The following SV2C variants were observed in gnomAD, a reference collection of about 807,000 sequenced individuals.
The protein encoded by SV2C is solute carrier family 22 member B3.
Under a neutral mutation model 79.7 loss-of-function variants are expected in SV2C, and 49 were observed. That is an observed-to-expected ratio of 0.61 (90% CI 0.49 to 0.78). The LOEUF is 0.78. Ranked by LOEUF, SV2C falls within the 30% of genes least tolerant of loss-of-function variation. SV2C has a pLI of 0.00. For synonymous variants in SV2C, 334 were observed against 333.2 expected (o/e 1.00, Z -0.03); for missense variants, 833 against 912.9 (o/e 0.91, Z 1.13).
the SV2C span, among the ~76,000 whole-genome samples, chr5:76,013,264 T>C: frequency 6.6e-6 from 1 of 152,238 alleles, no homozygotes; most frequent in Non-Finnish European, 1.5e-5. Flanking sequence ...CATTTGTTTG[T>C]GTCCTCTCTT....
At chr5:75,888,984 C>T in the SV2C span, among the ~76,000 whole-genome samples, 2 of 152,088 alleles carry the variant, frequency 1.3e-5, no homozygotes, top group African/African-American at 2.4e-5. Flanking sequence ...CTCTCCTTGG[C>T]TGTCTTCTCT....
At chr5:76,078,405 G>A (rs534118267), upstream of SV2C, among the ~76,000 whole-genome samples, 1 of 152,334 alleles carries the variant, frequency 6.6e-6, no homozygotes, top group South Asian at 2.1e-4. Context: ...GAGCTGGATA[G>A]TGAGAAAGGG....
intron 3 of SV2C, among the ~76,000 whole-genome samples, chr5:76,200,117 A>G (rs569598124): frequency 6.6e-6 from 1 of 152,330 alleles, no homozygotes; most frequent in African/African-American, 2.4e-5. Flanking sequence ...GCAGGGGCTT[A>G]TGGAAGGCAG....
chr5:76,137,886 A>T (rs1392008724), intron 2 of SV2C, among the ~76,000 whole-genome samples: 1 of 152,164 alleles, frequency 6.6e-6, no homozygotes, highest in Non-Finnish European at 1.5e-5. Flanking sequence ...CCTCTTCTTC[A>T]TCAGAGCAGA....
At chr5:76,226,883 T>C (rs949561838) in intron 4 of SV2C, among the ~76,000 whole-genome samples, 3 of 152,122 alleles carry the variant, frequency 2.0e-5, no homozygotes, top group South Asian at 2.1e-4. Context: ...GGGATGCCCA[T>C]GATCACTGGC....
chr5:75,984,567 A>ATATCTATCTATCTATCTATC, the SV2C span, among the ~76,000 whole-genome samples: 89 of 102,914 alleles, frequency 8.6e-4, no homozygotes, highest in African/African-American at 2.3e-3. Flanking sequence ...CTATCTATCT[A>ATATCTATCTATCTATCTATC]TATCTATCTA....
chr5:76,147,945 T>C (rs1749490296), intron 2 of SV2C, among the ~76,000 whole-genome samples: 1 of 152,242 alleles, frequency 6.6e-6, no homozygotes, highest in Non-Finnish European at 1.5e-5. Context: ...ATTTTTTTCC[T>C]ATACACCTTT....
chr5:76,279,948 A>G (rs773724278), intron 4 of SV2C, among the ~76,000 whole-genome samples: 41 of 152,260 alleles, frequency 2.7e-4, no homozygotes, highest in Non-Finnish European at 4.9e-4. Flanking sequence ...AGCTAGGCAC[A>G]TGGACGGCTC....
chr5:76,118,312 G>A (rs992275103), intron 1 of SV2C, among the ~76,000 whole-genome samples: 6 of 152,016 alleles, frequency 3.9e-5, no homozygotes, highest in Non-Finnish European at 8.8e-5. Context: ...GCTTGTCATT[G>A]GATATAGGGC....
the SV2C span, among the ~76,000 whole-genome samples, chr5:75,998,046 A>G: frequency 1.3e-5 from 2 of 152,190 alleles, no homozygotes; most frequent in Non-Finnish European, 2.9e-5. Flanking sequence ...TTGTAGGGAC[A>G]TGGATCAAGC....
At chr5:76,085,100 C>CT (rs1561208730) in intron 1 of SV2C, among the ~76,000 whole-genome samples, 1 of 152,200 alleles carries the variant, frequency 6.6e-6, no homozygotes, top group African/African-American at 2.4e-5. Context: ...AATTCTTATC[C>CT]TTAATTCTGA....
At chr5:76,290,603 C>G (rs1747529123) in intron 6 of SV2C, among the ~76,000 whole-genome samples, 1 of 152,134 alleles carries the variant, frequency 6.6e-6, no homozygotes, top group Admixed American at 6.5e-5. Flanking sequence ...CATGCTGAAC[C>G]TCTATCATTT....
At chr5:76,164,435 A>T (rs138350766) in intron 2 of SV2C, among the ~76,000 whole-genome samples, 3 of 152,340 alleles carry the variant, frequency 2.0e-5, no homozygotes, top group Admixed American at 6.5e-5. Context: ...TAGTAGATCT[A>T]TGTGGTGGAA....
chr5:75,950,057 A>G, the SV2C span, among the ~76,000 whole-genome samples: 1 of 152,002 alleles, frequency 6.6e-6, no homozygotes, highest in Non-Finnish European at 1.5e-5. Context: ...GTGGGAAAAA[A>G]GCCTGAGTCT....
chr5:76,111,050 AAGTATAAATGTGC>A (rs1417421403), intron 1 of SV2C, among the ~76,000 whole-genome samples: 3 of 152,236 alleles, frequency 2.0e-5, no homozygotes, highest in Admixed American at 6.5e-5. Context: ...ATTACTTTAT[AAGTATAAATGTGC>A]AATGCAGATG....
the SV2C span, among the ~76,000 whole-genome samples, chr5:76,036,717 G>T: frequency 0.42 from 63,345 of 151,798 alleles, 15,254 homozygotes; most frequent in Middle Eastern, 0.58. Context: ...CTGACAATTA[G>T]GTGTCTTGGA....
At chr5:75,859,826 C>A in the SV2C span, among the ~76,000 whole-genome samples, 2 of 152,182 alleles carry the variant, frequency 1.3e-5, no homozygotes, top group Non-Finnish European at 2.9e-5. Context: ...AGGAAATTCA[C>A]AGAAACCGCC....
At chr5:76,252,737 T>C (rs1746152916) in intron 4 of SV2C, among the ~76,000 whole-genome samples, 1 of 152,206 alleles carries the variant, frequency 6.6e-6, no homozygotes, top group South Asian at 2.1e-4. Context: ...ACAATTTTGA[T>C]GATGGATAAC....
chr5:76,296,745 G>T (rs1360439716), intron 9 of SV2C, among the ~76,000 whole-genome samples: 1 of 152,128 alleles, frequency 6.6e-6, no homozygotes, highest in Non-Finnish European at 1.5e-5. Context: ...AGTTCAGAAA[G>T]ATGAAAAAGA....
Sources: allele counts gnomAD v4.1 joint callset (sites outside exome capture counted in the v4.1 genomes callset), GRCh38; gene constraint gnomAD v4.1.1; transcripts MANE v1.5; gene names NCBI Gene and HGNC (gene_info 2026-07-23, HGNC 2026-07-21).